The following SPHKAP variants were observed in gnomAD, a reference collection of about 807,000 sequenced individuals.
The protein encoded by SPHKAP is A-kinase anchor protein SPHKAP.
In SPHKAP, 67 loss-of-function variants were observed where a neutral mutation model predicts 137.5. That is an observed-to-expected ratio of 0.49 (90% CI 0.40 to 0.60). SPHKAP has a LOEUF of 0.60. SPHKAP is among the 20% of genes least tolerant of loss of function. The probability of loss-of-function intolerance (pLI) is 0.00; values close to 1 mark genes in which losing one functional copy is unlikely to be tolerated. For synonymous variants in SPHKAP, 813 were observed against 785.3 expected (o/e 1.04, Z -0.59); for missense variants, 2,097 against 2,069.3 (o/e 1.01, Z -0.26).
At position 228,015,512 on chromosome 2, in the gene SPHKAP, G is replaced by T. The variant is rs535974617; in HGVS notation, c.4448+894C>A. Among the ~76,000 whole-genome samples, 3 of 152,248 alleles carry T rather than the reference G, an allele frequency of 2.0e-5. No homozygotes were observed. In the South Asian group the frequency reaches 6.2e-4, roughly 32 times the overall value. ...TGTTTAACTACAAACCAAAGCTAAA[G>T]AAATGATACAATGGTCTCATATTCA... On this transcript the variant is annotated intron_variant, in intron 7 of 11. Coordinates refer to ENST00000392056, the MANE Select transcript of SPHKAP (RefSeq NM_001142644.2).
intron 7 of SPHKAP, among the ~76,000 whole-genome samples, chr2:228,008,295 T>C (rs1357119943): frequency 3.9e-5 from 5 of 129,292 alleles, no homozygotes; most frequent in Non-Finnish European, 6.4e-5. Flanking sequence ...CTTCTAGGAG[T>C]TTTTTTTTTT....
chr2:228,062,149 C>T (rs1225229824), intron 3 of SPHKAP, among the ~76,000 whole-genome samples: 1 of 151,814 alleles, frequency 6.6e-6, no homozygotes, highest in African/African-American at 2.4e-5. Context: ...TCAACCACTC[C>T]CCTGACCTTT....
At chr2:228,036,277 A>G (rs1695589727) in intron 3 of SPHKAP, among the ~76,000 whole-genome samples, 1 of 152,144 alleles carries the variant, frequency 6.6e-6, no homozygotes, top group African/African-American at 2.4e-5. Context: ...AAAACACATG[A>G]AAAAATGCTC....
At chr2:228,092,412 TATACATATATAC>T (rs1697806351) in intron 3 of SPHKAP, among the ~76,000 whole-genome samples, 1 of 101,614 alleles carries the variant, frequency 9.8e-6, no homozygotes, top group Non-Finnish European at 1.9e-5. Context: ...TATACACATA[TATACATATATAC>T]ATATATGTAT....
At chr2:227,995,845 G>T in intron 7 of SPHKAP, 151 bp from the exon 8 acceptor site, 1 of 1,257,978 alleles carries the variant, frequency 7.9e-7, no homozygotes, top group Non-Finnish European at 1.0e-6. Flanking sequence ...TGGTGCCCTA[G>T]GTCCCATTTG....
intron 3 of SPHKAP, among the ~76,000 whole-genome samples, chr2:228,102,767 G>A (rs1051152083): frequency 6.6e-6 from 1 of 151,972 alleles, no homozygotes; most frequent in Admixed American, 6.6e-5. Context: ...TTTTGAAACA[G>A]GGTCTCACTC....
At chr2:228,155,854 C>T (rs1038317903) in intron 1 of SPHKAP, among the ~76,000 whole-genome samples, 1 of 152,110 alleles carries the variant, frequency 6.6e-6, no homozygotes, top group African/African-American at 2.4e-5. Flanking sequence ...TAGTTGCAAA[C>T]AGGCAAGAGA....
intron 1 of SPHKAP, among the ~76,000 whole-genome samples, chr2:228,164,024 C>T (rs959981306): frequency 2.0e-5 from 3 of 152,136 alleles, no homozygotes; most frequent in Non-Finnish European, 4.4e-5. Flanking sequence ...GGAAGACCCA[C>T]TCCCAGTGTG....
chr2:228,055,317 A>T (rs1311078934), intron 3 of SPHKAP, among the ~76,000 whole-genome samples: 3 of 152,158 alleles, frequency 2.0e-5, no homozygotes, highest in Non-Finnish European at 4.4e-5. Flanking sequence ...AATAAGAGTA[A>T]CAGATAATGA....
At chr2:227,982,480 C>T (rs1693037225) in intron 11 of SPHKAP, 1 of 492,548 alleles carries the variant, frequency 2.0e-6, no homozygotes, top group Admixed American at 6.4e-5. Flanking sequence ...TGGCCACAGC[C>T]TAGAGAGAAA....
At chr2:227,987,019 A>T (rs553397667) in intron 11 of SPHKAP, among the ~76,000 whole-genome samples, 1 of 152,338 alleles carries the variant, frequency 6.6e-6, no homozygotes, top group South Asian at 2.1e-4. Flanking sequence ...GATTTTCAGC[A>T]ATCTTTCCCC....
chr2:228,006,611 G>A (rs1389083628), intron 7 of SPHKAP, among the ~76,000 whole-genome samples: 1 of 151,988 alleles, frequency 6.6e-6, no homozygotes, highest in South Asian at 2.1e-4. Context: ...AGGAGGAGAG[G>A]CGCTCTGATT....
chr2:228,108,067 C>T (rs1216917443), intron 3 of SPHKAP, among the ~76,000 whole-genome samples: 1 of 152,130 alleles, frequency 6.6e-6, no homozygotes, highest in Non-Finnish European at 1.5e-5. Context: ...TGGCATGCAA[C>T]TTACCTCCAG....
chr2:228,159,998 C>T (rs905499534), intron 1 of SPHKAP, among the ~76,000 whole-genome samples: 5 of 152,218 alleles, frequency 3.3e-5, no homozygotes, highest in African/African-American at 9.6e-5. Flanking sequence ...GGGAACCTGA[C>T]ATTCCCTATC....
rs781084899 is a variant in SPHKAP at position 228,017,399 on chromosome 2, G to A, written c.3455C>T (p.Ala1152Val). Reference protein sequence around the residue: ...RGFELLLDYYAGKNASSILNS... With the variant: ...RGFELLLDYYVGKNASSILNS... Reference sequence around the variant, plus strand: ...CAGAATGCTGCTGGCGTTCTTGCCAGCATAGTAATCCAGCAGTAACTCAAA... The same window carrying A: ...CAGAATGCTGCTGGCGTTCTTGCCAACATAGTAATCCAGCAGTAACTCAAA... Residue 1152 changes from alanine to valine, a missense_variant, in exon 7 of 12, where the codon GCT (alanine) becomes GTT (valine). Ala to Val is a moderately conservative substitution (Grantham distance 64, BLOSUM62 0). Coordinates refer to ENST00000392056, the MANE Select transcript of SPHKAP (RefSeq NM_001142644.2). The A allele has an allele frequency of 1.9e-6, 3 of 1,614,116 alleles. No homozygotes were observed. Among genetic ancestry groups the A allele is most frequent in the East Asian group, 4.5e-5 (2 of 44,876 alleles).
chr2:228,137,442 C>G (rs545563540), intron 1 of SPHKAP, among the ~76,000 whole-genome samples: 1 of 152,270 alleles, frequency 6.6e-6, no homozygotes, highest in South Asian at 2.1e-4. Flanking sequence ...TAAAGAATTT[C>G]CCAGGATAGT....
At chr2:228,140,936 A>G (rs1241610395) in intron 1 of SPHKAP, among the ~76,000 whole-genome samples, 1 of 152,190 alleles carries the variant, frequency 6.6e-6, no homozygotes, top group East Asian at 1.9e-4. Context: ...AGCCTGCAGA[A>G]CTATGAGCCA....
chr2:228,022,795 T>C (rs140226668), intron 5 of SPHKAP, among the ~76,000 whole-genome samples: 147 of 152,300 alleles, frequency 9.7e-4, no homozygotes, highest in African/African-American at 3.2e-3. Context: ...CTTGATTAAA[T>C]TGAGTCCCAG....
intron 3 of SPHKAP, among the ~76,000 whole-genome samples, chr2:228,077,706 A>G (rs1350687749): frequency 6.6e-6 from 1 of 152,124 alleles, no homozygotes; most frequent in Non-Finnish European, 1.5e-5. Flanking sequence ...GAGACTTTGG[A>G]CTGTGGACTT....
Sources: allele counts gnomAD v4.1 joint callset (sites outside exome capture counted in the v4.1 genomes callset), GRCh38; gene constraint gnomAD v4.1.1; transcripts MANE v1.5; gene names NCBI Gene and HGNC (gene_info 2026-07-23, HGNC 2026-07-21).